Variants in MYO3B observed in about 807,000 individuals in gnomAD.
The protein encoded by MYO3B is myosin IIIB.
A neutral mutation model predicts 174.6 loss-of-function variants in MYO3B; 156 were observed. The observed-to-expected ratio is 0.89, with a 90% CI of 0.78 to 1.02. The LOEUF (loss-of-function observed/expected upper bound fraction) is 1.02. Among genes scored for constraint, MYO3B ranks in the 50% least tolerant of loss-of-function variants. The pLI is 0.00. For synonymous variants in MYO3B, 563 were observed against 569.1 expected (o/e 0.99, Z 0.15); for missense variants, 1,632 against 1,639.4 (o/e 1.00, Z 0.08).
chr2:170,500,494 G>A (rs894990108), intron 27 of MYO3B, among the ~76,000 whole-genome samples: 6 of 152,204 alleles, frequency 3.9e-5, no homozygotes, highest in South Asian at 2.1e-4. Flanking sequence ...GATAGGGAGA[G>A]TTCAGAGAAA....
At chr2:170,356,622 A>G (rs1193751916) in intron 8 of MYO3B, among the ~76,000 whole-genome samples, 2 of 152,016 alleles carry the variant, frequency 1.3e-5, no homozygotes, top group East Asian at 1.9e-4. Context: ...TCAGCCTCCC[A>G]AAGTGCTGGG....
Position 170,469,321 on chromosome 2 carries a change from C to A in MYO3B, c.3014+2610C>A, listed in dbSNP as rs537189020. On this transcript the variant is annotated intron_variant, in intron 25 of 34. Transcript: ENST00000408978. Reference sequence around the variant, plus strand: ...CAAGAAGGCAGGAATATACAAAGCCCACATTCTAAAGATTTTCAAGGATTA... The same window carrying A: ...CAAGAAGGCAGGAATATACAAAGCCAACATTCTAAAGATTTTCAAGGATTA... Among the ~76,000 whole-genome samples, 11 of 152,240 alleles carry A rather than the reference C, an allele frequency of 7.2e-5. No individual in the cohort carries two copies. The South Asian group carries it at 2.3e-3, about 32-fold the overall frequency.
intron 32 of MYO3B, chr2:170,643,738 G>A (rs957340757): frequency 6.6e-6 from 1 of 152,224 alleles, no homozygotes; most frequent in Non-Finnish European, 1.5e-5. Context: ...CCACAGGAGG[G>A]TGCCAGGGTC....
At chr2:170,570,851 A>G (rs55807251) in intron 32 of MYO3B, among the ~76,000 whole-genome samples, 53,787 of 151,810 alleles carry the variant, frequency 0.35, 10,612 homozygotes, top group Non-Finnish European at 0.44. Flanking sequence ...ACAAACTAGC[A>G]TTATCCCAGC....
chr2:170,606,055 C>T (rs1429871007), intron 32 of MYO3B, among the ~76,000 whole-genome samples: 1 of 152,166 alleles, frequency 6.6e-6, no homozygotes, highest in Non-Finnish European at 1.5e-5. Context: ...TAACCATCAC[C>T]TCTGACCTGT....
intron 7 of MYO3B, among the ~76,000 whole-genome samples, chr2:170,324,219 C>T (rs918680837): frequency 6.6e-6 from 1 of 152,304 alleles, no homozygotes; most frequent in East Asian, 1.9e-4. Flanking sequence ...GTATTTGTGG[C>T]CCTTTCCCCT....
chr2:170,359,989 T>A (rs1265481222), intron 8 of MYO3B, among the ~76,000 whole-genome samples: 2 of 152,198 alleles, frequency 1.3e-5, no homozygotes, highest in African/African-American at 4.8e-5. Context: ...CTCTAAATCT[T>A]TCATATGTGT....
At chr2:170,286,401 G>A (rs1227332124) in intron 7 of MYO3B, among the ~76,000 whole-genome samples, 1 of 152,018 alleles carries the variant, frequency 6.6e-6, no homozygotes, top group African/African-American at 2.4e-5. Flanking sequence ...GGGAGTACTG[G>A]GGCAGTTGGT....
intron 25 of MYO3B, among the ~76,000 whole-genome samples, chr2:170,476,081 C>CA (rs1553503753): frequency 7.9e-5 from 12 of 152,252 alleles, no homozygotes; most frequent in Admixed American, 2.6e-4. Flanking sequence ...TGTCCCCCCC[C>CA]ACAGGACATG....
At chr2:170,643,429 A>C (rs566582356) in intron 32 of MYO3B, among the ~76,000 whole-genome samples, 1 of 152,268 alleles carries the variant, frequency 6.6e-6, no homozygotes, top group Admixed American at 6.5e-5. Context: ...CAGCTGGGTT[A>C]TTGTCACCTG....
intron 23 of MYO3B, 28 bp downstream of exon 23, chr2:170,444,074 G>A (rs192101922): frequency 4.1e-4 from 645 of 1,584,454 alleles, no homozygotes; most frequent in Admixed American, 7.2e-4. Flanking sequence ...ACCAAATATA[G>A]TATGGACTGG....
intron 26 of MYO3B, among the ~76,000 whole-genome samples, chr2:170,498,964 C>G (rs1352828263): frequency 1.3e-5 from 2 of 152,140 alleles, no homozygotes; most frequent in African/African-American, 2.4e-5. Flanking sequence ...AAAAACGTTT[C>G]TTTTCTCAAT....
intron 32 of MYO3B, among the ~76,000 whole-genome samples, chr2:170,551,349 A>ATTTATTTATTTTT (rs1553520401): frequency 5.1e-4 from 72 of 142,328 alleles, no homozygotes; most frequent in Non-Finnish European, 1.0e-3. Flanking sequence ...ATTTAATTTA[A>ATTTATTTATTTTT]TTATTTATTT....
intron 25 of MYO3B, among the ~76,000 whole-genome samples, chr2:170,468,881 C>A (rs979203678): frequency 6.6e-6 from 1 of 152,094 alleles, no homozygotes; most frequent in African/African-American, 2.4e-5. Context: ...CTGAGTCAGG[C>A]TGGGCGTGAT....
At chr2:170,331,014 G>A (rs894228179) in intron 7 of MYO3B, among the ~76,000 whole-genome samples, 16 of 152,270 alleles carry the variant, frequency 1.1e-4, no homozygotes, top group African/African-American at 3.6e-4. Flanking sequence ...GGGCACTATA[G>A]ATACACATGA....
At chr2:170,297,941 A>G (rs1400091343) in intron 7 of MYO3B, among the ~76,000 whole-genome samples, 3 of 152,214 alleles carry the variant, frequency 2.0e-5, no homozygotes, top group South Asian at 2.1e-4. Flanking sequence ...AGACAAACAC[A>G]TGAATGAAAA....
intron 28 of MYO3B, among the ~76,000 whole-genome samples, chr2:170,507,956 T>C (rs1459459763): frequency 6.6e-6 from 1 of 152,186 alleles, no homozygotes; most frequent in Non-Finnish European, 1.5e-5. Flanking sequence ...TGCTATGGAA[T>C]AAAATTATTG....
chr2:170,408,011 TAATTG>T (rs2094522165), intron 22 of MYO3B, among the ~76,000 whole-genome samples, 167 bp downstream of exon 22: 1 of 152,244 alleles, frequency 6.6e-6, no homozygotes, highest in Non-Finnish European at 1.5e-5. Flanking sequence ...GTTTCTTTTG[TAATTG>T]AATTGTGCAG....
intron 32 of MYO3B, among the ~76,000 whole-genome samples, chr2:170,639,754 T>C (rs1168929934): frequency 6.6e-6 from 1 of 152,234 alleles, no homozygotes; most frequent in Non-Finnish European, 1.5e-5. Context: ...CCTTTTTGGC[T>C]TTGTCATTTC....
Sources: allele counts gnomAD v4.1 joint callset (sites outside exome capture counted in the v4.1 genomes callset), GRCh38; gene constraint gnomAD v4.1.1; transcripts MANE v1.5; gene names NCBI Gene and HGNC (gene_info 2026-07-23, HGNC 2026-07-21).